WIPI2: variants seen among roughly 807,000 people sequenced by gnomAD.
WIPI2 encodes the protein WD repeat domain, phosphoinositide interacting 2.
A neutral mutation model predicts 52.3 loss-of-function variants in WIPI2; 28 were observed. The observed-to-expected ratio is 0.54, with a 90% CI of 0.40 to 0.73. The LOEUF (loss-of-function observed/expected upper bound fraction) is 0.73, where lower values mean the gene tolerates loss of function less well. WIPI2 is among the 30% of genes least tolerant of loss of function. The probability of loss-of-function intolerance (pLI) is 0.00; values close to 1 mark genes in which losing one functional copy is unlikely to be tolerated. For synonymous variants in WIPI2, 268 were observed against 245.0 expected, an observed-to-expected ratio of 1.09 and a Z score of -0.88; for missense variants, 506 against 602.9, an observed-to-expected ratio of 0.84 and a Z score of 1.68.
At chr7:5,222,750 A>G in intron 8 of WIPI2, 78 bp downstream of exon 8, 4 of 1,408,168 alleles carry the variant, frequency 2.8e-6, no homozygotes, top group Non-Finnish European at 4.0e-6. Context: ...TGAACAAACA[A>G]GTAGAACCCC....
chr7:5,229,719 T>G lies in WIPI2; in HGVS notation c.1233T>G (p.Pro411=). The G allele has an allele frequency of 1.2e-6, 2 of 1,613,920 alleles. No homozygotes were observed. Among genetic ancestry groups the G allele is most frequent in the Non-Finnish European group, 1.7e-6 (2 of 1,179,882 alleles). Residue 411 remains proline, a synonymous_variant, in exon 12 of 13, where the codon CCT becomes CCG. Coordinates refer to ENST00000288828, the MANE Select transcript of WIPI2 (RefSeq NM_015610.4). The part of the protein sequence containing the change: ...GAAAGKGTYV[P]SSPTRLAYTD... ...CTGCAGGAAAAGGTACTTACGTGCC[T>G]TCATCCCCAACGAGACTTGGTAAGG... is the stretch of plus-strand genomic sequence containing the variant.
chr7:5,229,682 C>G lies in WIPI2; in HGVS notation c.1196C>G (p.Thr399Arg). The part of the protein sequence containing the change: ...ASHDCPLVTQ[T>R]YGAAAGKGTY... ...CACGACTGCCCCTTAGTCACTCAGA[C>G]ATACGGCGCAGCTGCAGGAAAAGGT... The change falls in exon 12 of 13, where the codon ACA (threonine) becomes AGA (arginine). Residue 399 changes from threonine to arginine, a missense_variant. By Grantham distance (71) the Thr-to-Arg change is moderately conservative (BLOSUM62 -1). Around this residue, in one of 4 missense-constraint regions of WIPI2, gnomAD observed 194 missense variants for 175.1 expected, o/e 1.11. Coordinates refer to ENST00000288828, the MANE Select transcript of WIPI2 (RefSeq NM_015610.4). The G allele has an allele frequency of 6.2e-7, 1 of 1,614,110 alleles. No individual in the cohort carries two copies. The highest frequency in any genetic ancestry group is 8.5e-7 in the Non-Finnish European group (1 of 1,179,990).
Position 5,230,909 on chromosome 7 carries a change from G to A in WIPI2, c.1327G>A (p.Asp443Asn), listed in dbSNP as rs1448971641. The change falls in exon 13 of 13, where the codon GAC (aspartate) becomes AAC (asparagine). Residue 443 changes from aspartate to asparagine, a missense_variant. By Grantham distance (23) the Asp-to-Asn change is conservative (BLOSUM62 1). Around this residue, in one of 4 missense-constraint regions of WIPI2, gnomAD observed 194 missense variants for 175.1 expected, o/e 1.11. Transcript: ENST00000288828. This position sits in a 1 kb window ranked among gnomAD's most constrained non-coding sequence, Gnocchi z 4.8. ...DEASALRLDEDSEHPPMILRT... is the reference protein window; with the variant it reads ...DEASALRLDENSEHPPMILRT... ...GGCCAGCGCCCTGCGCCTGGATGAG[G>A]ACAGCGAGCACCCGCCCATGATTCT... 6.2e-7 allele frequency: 1 copy of A among 1,613,828 alleles called. No homozygotes were observed. The highest frequency in any genetic ancestry group is 8.5e-7 in the Non-Finnish European group (1 of 1,179,818).
chr7:5,223,827 A>G (rs1367144680), intron 8 of WIPI2, among the ~76,000 whole-genome samples: 2 of 152,030 alleles, frequency 1.3e-5, no homozygotes, highest in Non-Finnish European at 2.9e-5. Context: ...CTGGCACCCA[A>G]GCCAGAGGGA....
intron 3 of WIPI2, among the ~76,000 whole-genome samples, chr7:5,205,638 G>A (rs1370941011): frequency 6.6e-6 from 1 of 152,112 alleles, no homozygotes; most frequent in Non-Finnish European, 1.5e-5. Flanking sequence ...CTTAGTAGCT[G>A]GGACTACAGG....
rs201442940 is a variant in WIPI2 at position 5,229,323 on chromosome 7, C to CT, written c.1122-278dup. 2.2e-3 allele frequency: 604 copies of CT among 269,504 alleles called. 8 individuals are homozygous for CT. The highest frequency in any genetic ancestry group is 0.013 in the African/African-American group (561 of 44,614). The allele number at this position is 269,504 out of a possible 1,614,324, so 16.7% of individuals were successfully genotyped here. A position where few individuals can be genotyped will look rare whatever the true frequency, so the allele number is the denominator to read the frequency against. ...AGCCACTGCACCCGGGCTAGCCTGA[C>CT]TTTTTTTGTAAATAGTGAATCCTCG... is the stretch of plus-strand genomic sequence containing the variant. On this transcript the variant is annotated intron_variant, in intron 11 of 12. Transcript: ENST00000288828.
chr7:5,224,704 C>G (rs991847265), intron 8 of WIPI2, among the ~76,000 whole-genome samples: 5 of 152,182 alleles, frequency 3.3e-5, no homozygotes, highest in South Asian at 2.1e-4. Context: ...TGAGCCAGTT[C>G]ATTGATCTGT....
chr7:5,227,014 G>C lies in WIPI2; in HGVS notation c.849-166G>C. The C allele has an allele frequency of 2.3e-6, 2 of 879,054 alleles. No individual in the cohort carries two copies. The highest frequency in any genetic ancestry group is 3.4e-5 in the South Asian group (2 of 58,086). 54.5% of individuals were successfully genotyped at this position (879,054 alleles called of 1,614,324 possible). A position where few individuals can be genotyped will look rare whatever the true frequency, so the allele number is the denominator to read the frequency against. ...CACCTCCCAGAGGAAGCTCCGTGAT[G>C]CCCCTGGGGCCCTGAGTGTCTGCTT... On this transcript the variant is annotated intron_variant, in intron 9 of 12. Transcript: ENST00000288828. The surrounding 1 kb of genome is among the most constrained non-coding windows in gnomAD (Gnocchi z 8.1).
Position 5,232,077 on chromosome 7 carries a change from G to C in WIPI2, c.*1130G>C. ...AATTAAAACAACCTCAAGTACCTCAGACTCTGCATTCCAAACCAAGGCACC... is the reference window on the plus strand; with the variant it reads ...AATTAAAACAACCTCAAGTACCTCACACTCTGCATTCCAAACCAAGGCACC... On this transcript the variant is annotated 3_prime_UTR_variant, in exon 13 of 13. Coordinates refer to ENST00000288828, the MANE Select transcript of WIPI2 (RefSeq NM_015610.4). 2.5e-6 allele frequency: 1 copy of C among 398,418 alleles called. No homozygotes were observed. The highest frequency in any genetic ancestry group is 4.4e-5 in the Admixed American group (1 of 22,722). The allele number at this position is 398,418 out of a possible 1,614,324, so 24.7% of individuals were successfully genotyped here.
rs1783524059 is a variant in WIPI2, at chr7:5,227,983, G to A, written c.1014-121G>A. The A allele has an allele frequency of 2.2e-6, 2 of 891,966 alleles. No individual in the cohort carries two copies. The highest frequency in any genetic ancestry group is 3.6e-6 in the Non-Finnish European group (2 of 554,770). 55.3% of individuals were successfully genotyped at this position (891,966 alleles called of 1,614,324 possible). On this transcript the variant is annotated intron_variant, in intron 10 of 12. Coordinates refer to ENST00000288828, the MANE Select transcript of WIPI2 (RefSeq NM_015610.4). The surrounding 1 kb of genome is among the most constrained non-coding windows in gnomAD (Gnocchi z 8.1). ...GTCAGTGGGGCGCCAGACACCTGCA[G>A]CTGCCCTTGTGCTCATCTTGCTGGG...
At chr7:5,210,298 T>A (rs1782491628) in intron 3 of WIPI2, among the ~76,000 whole-genome samples, 1 of 152,202 alleles carries the variant, frequency 6.6e-6, no homozygotes. Context: ...CACATCTCCA[T>A]CAAAATATGT....
chr7:5,191,487 G>C (rs1345822501), intron 1 of WIPI2, among the ~76,000 whole-genome samples: 1 of 152,166 alleles, frequency 6.6e-6, no homozygotes, highest in Non-Finnish European at 1.5e-5. Flanking sequence ...TCATCCTCAG[G>C]GCAAGAGAAG....
chr7:5,233,144 C>A lies in WIPI2; in HGVS notation c.*2197C>A, dbSNP rs541260842. 1 of 152,318 alleles carries A rather than the reference C, an allele frequency of 6.6e-6. No homozygotes were observed. Among genetic ancestry groups the A allele is most frequent in the Non-Finnish European group, 1.5e-5 (1 of 68,118 alleles). 9.4% of individuals were successfully genotyped at this position (152,318 alleles called of 1,614,324 possible). ...GTGCGCCCTAGAGGAGGGAGGAGGACTGCAGATTCTTGGTCGAGAAGAATG... is the reference window on the plus strand; with the variant it reads ...GTGCGCCCTAGAGGAGGGAGGAGGAATGCAGATTCTTGGTCGAGAAGAATG... On this transcript the variant is annotated 3_prime_UTR_variant, in exon 13 of 13. Coordinates refer to ENST00000288828, the MANE Select transcript of WIPI2 (RefSeq NM_015610.4).
rs761828775 is a variant in WIPI2, at chr7:5,230,846, G to T, written c.1264G>T (p.Asp422Tyr). Reference sequence around the variant, plus strand: ...TCGTCTCTTTGCAGCCTACACAGACGACCTGGGTGCTGTGGGTGGCGCCTG... The same window carrying T: ...TCGTCTCTTTGCAGCCTACACAGACTACCTGGGTGCTGTGGGTGGCGCCTG... ...SSPTRLAYTD[D>Y]LGAVGGACLE... Residue 422 changes from aspartate to tyrosine, a missense_variant, in exon 13 of 13, where the codon GAC becomes TAC. Asp to Tyr is a radical substitution (Grantham distance 160). Transcript: ENST00000288828. The surrounding 1 kb of genome is among the most constrained non-coding windows in gnomAD (Gnocchi z 4.8). The T allele has an allele frequency of 3.7e-6, 6 of 1,613,356 alleles. No homozygotes were observed. The highest frequency in any genetic ancestry group is 5.1e-6 in the Non-Finnish European group (6 of 1,179,702).
At chr7:5,204,189 G>A (rs944324677) in intron 3 of WIPI2, among the ~76,000 whole-genome samples, 16 of 152,162 alleles carry the variant, frequency 1.1e-4, no homozygotes, top group African/African-American at 2.2e-4. Flanking sequence ...CATCTGGGCC[G>A]GGCGCGGTGG....
At chr7:5,207,150 A>C (rs1782334870) in intron 3 of WIPI2, among the ~76,000 whole-genome samples, 2 of 152,106 alleles carry the variant, frequency 1.3e-5, no homozygotes, top group African/African-American at 4.8e-5. Flanking sequence ...AGTAGAGTTC[A>C]ATGTTTGTTT....
At position 5,227,122 on chromosome 7, in the gene WIPI2, G is replaced by A. The variant is rs1321097845; in HGVS notation, c.849-58G>A. Reference sequence around the variant, plus strand: ...GAGCTGTGCGTCTGTGTGAGTAGGGGGTGGCCGTCCCCCCAGGGAGGGTGC... The same window carrying A: ...GAGCTGTGCGTCTGTGTGAGTAGGGAGTGGCCGTCCCCCCAGGGAGGGTGC... On this transcript the variant is annotated intron_variant, in intron 9 of 12. Transcript: ENST00000288828. This position sits in a 1 kb window ranked among gnomAD's most constrained non-coding sequence, Gnocchi z 8.1. 1 of 1,602,642 alleles carries A rather than the reference G, an allele frequency of 6.2e-7. No individual in the cohort carries two copies. The highest frequency in any genetic ancestry group is 8.5e-7 in the Non-Finnish European group (1 of 1,173,956).
Position 5,190,404 on chromosome 7 carries a change from C to A in WIPI2, c.-16C>A. On this transcript the variant is annotated 5_prime_UTR_variant, in exon 1 of 13. Coordinates refer to ENST00000288828, the MANE Select transcript of WIPI2 (RefSeq NM_015610.4). ...CGCGCCCTCCCCGGCCGGGCCCACT[C>A]GCCGCGCGCCCAGCCATGAACCTGG... The A allele has an allele frequency of 7.2e-7, 1 of 1,388,882 alleles. No individual in the cohort carries two copies. The highest frequency in any genetic ancestry group is 9.4e-7 in the Non-Finnish European group (1 of 1,065,150). The allele number at this position is 1,388,882 out of a possible 1,614,324, so 86.0% of individuals were successfully genotyped here.
At chr7:5,217,053 G>A in intron 5 of WIPI2, 37 bp from the exon 6 acceptor site, 2 of 1,583,442 alleles carry the variant, frequency 1.3e-6, no homozygotes, top group Non-Finnish European at 1.7e-6. Flanking sequence ...ACTCTCAGGT[G>A]GAAGTTTGCA....
Sources: allele counts gnomAD v4.1 joint callset (sites outside exome capture counted in the v4.1 genomes callset), GRCh38; gene constraint gnomAD v4.1.1; regional missense constraint gnomAD v4.1.1; non-coding constraint Gnocchi (gnomAD v3.1); transcripts MANE v1.5; gene names NCBI Gene and HGNC (gene_info 2026-07-23, HGNC 2026-07-21).